WNK3: variants seen among roughly 807,000 people sequenced by gnomAD.
WNK3 encodes WNK lysine deficient protein kinase 3.
A neutral mutation model predicts 116.7 loss-of-function variants in WNK3; 18 were observed. That is an observed-to-expected ratio of 0.15 (90% confidence interval 0.11 to 0.23). The LOEUF is 0.23. WNK3 is among the 10% of genes least tolerant of loss of function. The pLI, the probability that WNK3 is intolerant of heterozygous loss-of-function variation, is 1.00. For synonymous variants in WNK3, 404 were observed against 469.4 expected (o/e 0.86, Z 1.80); for missense variants, 993 against 1,323.8 (o/e 0.75, Z 3.88).
intron 5 of WNK3, among the ~76,000 whole-genome samples, chrX:54,304,874 C>T (rs145747981): frequency 3.4e-3 from 378 of 111,654 alleles, no homozygotes; most frequent in African/African-American, 0.012. Context: ...CAGTGGCCCA[C>T]ACCTGTAATC....
At chrX:54,297,124 T>C (rs1314719506) in intron 7 of WNK3, among the ~76,000 whole-genome samples, 1 of 111,426 alleles carries the variant, frequency 9.0e-6, no homozygotes, top group African/African-American at 3.3e-5. Flanking sequence ...ACTGAGAAAG[T>C]CTCTTCAGCT....
At chrX:54,272,252 CACTGCTTGAT>C (rs1557159502) in intron 10 of WNK3, among the ~76,000 whole-genome samples, 1 of 111,419 alleles carries the variant, frequency 9.0e-6, no homozygotes, top group African/African-American at 3.3e-5. Flanking sequence ...AACGAAATGA[CACTGCTTGAT>C]ACATAGCAGG....
chrX:54,316,516 G>C (rs2068958122), intron 2 of WNK3, among the ~76,000 whole-genome samples: 1 of 101,609 alleles, frequency 9.8e-6, no homozygotes, highest in Non-Finnish European at 2.0e-5. Context: ...CTCCAGCCTG[G>C]GCAATAGAGC....
chrX:54,316,863 G>A (rs993705923), intron 2 of WNK3, among the ~76,000 whole-genome samples: 1 of 111,436 alleles, frequency 9.0e-6, no homozygotes, highest in Non-Finnish European at 1.9e-5. Context: ...TGGTATATTC[G>A]TTGTGGAAAG....
At chrX:54,212,841 T>A (rs1357843114) in intron 22 of WNK3, among the ~76,000 whole-genome samples, 1 of 111,644 alleles carries the variant, frequency 9.0e-6, no homozygotes, top group African/African-American at 3.3e-5. Flanking sequence ...TTTACCTTAA[T>A]ATAAATACAG....
intron 22 of WNK3, among the ~76,000 whole-genome samples, chrX:54,214,527 T>C (rs1200933849): frequency 1.8e-5 from 2 of 111,217 alleles, no homozygotes; most frequent in African/African-American, 6.5e-5. Flanking sequence ...CCCCTGACAA[T>C]TATCCAAAGC....
At chrX:54,236,897 T>C (rs2067967045) in intron 20 of WNK3, 41 bp downstream of exon 20, 8 of 1,155,186 alleles carry the variant, frequency 6.9e-6, no homozygotes, top group Non-Finnish European at 9.2e-6. Flanking sequence ...CTATAAAACC[T>C]AGGGCAACCA....
intron 17 of WNK3, among the ~76,000 whole-genome samples, chrX:54,244,098 G>A (rs1464787668): frequency 8.9e-6 from 1 of 111,794 alleles, no homozygotes; most frequent in Non-Finnish European, 1.9e-5. Flanking sequence ...AATAATGACT[G>A]CTTAATGGGT....
chrX:54,265,097 A>G (rs1010903746), intron 10 of WNK3, among the ~76,000 whole-genome samples: 1 of 111,777 alleles, frequency 8.9e-6, no homozygotes, highest in Admixed American at 9.6e-5. Context: ...TCAGTACAGA[A>G]GAACCAGAAT....
intron 1 of WNK3, among the ~76,000 whole-genome samples, chrX:54,346,340 G>A (rs1348140205): frequency 1.4e-4 from 14 of 98,301 alleles, no homozygotes; most frequent in Non-Finnish European, 1.4e-4. Flanking sequence ...GGTGGCTCAC[G>A]CCTGTAATAA....
At chrX:54,300,191 C>T (rs1166650086) in intron 6 of WNK3, among the ~76,000 whole-genome samples, 1 of 110,842 alleles carries the variant, frequency 9.0e-6, no homozygotes, top group African/African-American at 3.3e-5. Flanking sequence ...CTTACTCTGT[C>T]ATCCAGGCTA....
chrX:54,294,334 A>G (rs1396112757), intron 8 of WNK3, among the ~76,000 whole-genome samples: 1 of 112,092 alleles, frequency 8.9e-6, no homozygotes, highest in East Asian at 2.8e-4. Flanking sequence ...ATTTTAAAAT[A>G]AGGAAACTAG....
intron 17 of WNK3, among the ~76,000 whole-genome samples, chrX:54,247,354 A>G (rs1287744592): frequency 1.8e-5 from 2 of 111,115 alleles, no homozygotes; most frequent in African/African-American, 6.5e-5. Context: ...AAATCTTTAA[A>G]TTATATGTAT....
At chrX:54,248,236 A>G (rs2068092632) in intron 17 of WNK3, among the ~76,000 whole-genome samples, 1 of 111,063 alleles carries the variant, frequency 9.0e-6, no homozygotes, top group Admixed American at 9.7e-5. Context: ...GGGTTTAAAA[A>G]AAAAAAAAAG....
At chrX:54,203,644 A>G (rs1284612901) in intron 22 of WNK3, among the ~76,000 whole-genome samples, 2 of 111,343 alleles carry the variant, frequency 1.8e-5, no homozygotes, top group African/African-American at 6.5e-5. Context: ...TGCTGGGGCT[A>G]GAATCCAGAT....
intron 17 of WNK3, among the ~76,000 whole-genome samples, chrX:54,245,140 A>G (rs938301220): frequency 4.2e-5 from 4 of 95,635 alleles, no homozygotes; most frequent in African/African-American, 1.7e-4. Flanking sequence ...ATGTACATAT[A>G]TATGCGTGTG....
At chrX:54,252,061 G>A (rs1557154427) in intron 13 of WNK3, among the ~76,000 whole-genome samples, 3 of 71,302 alleles carry the variant, frequency 4.2e-5, no homozygotes, top group African/African-American at 1.7e-4. Context: ...GCAAAACTCT[G>A]TCTCAAAAAA....
At chrX:54,358,121 G>A (rs2069624296), upstream of WNK3, 1 of 111,581 alleles carries the variant, frequency 9.0e-6, no homozygotes, top group Non-Finnish European at 1.9e-5. Context: ...AGCCAACGGA[G>A]CAGCCCCAAC....
At chrX:54,251,795 G>A (rs2068132814) in intron 13 of WNK3, 108 bp from the exon 14 acceptor site, 2 of 762,840 alleles carry the variant, frequency 2.6e-6, no homozygotes, top group Admixed American at 7.2e-5. Flanking sequence ...GCCAGGCACA[G>A]TGGCTCATGC....
Sources: gnomAD v4.1 joint callset for allele counts (sites outside exome capture counted in the v4.1 genomes callset) on GRCh38, gnomAD v4.1.1 for gene constraint, MANE v1.5 for transcripts, NCBI Gene and HGNC (gene_info 2026-07-23, HGNC 2026-07-21) for gene names.